Variants in CIB1 observed in about 807,000 individuals in gnomAD.
The protein encoded by CIB1 is calcium and integrin-binding protein 1.
A neutral mutation model predicts 25.0 loss-of-function variants in CIB1; 19 were observed. The ratio of observed to expected loss-of-function variants is 0.76; its 90% CI spans 0.53 to 1.12. The LOEUF (loss-of-function observed/expected upper bound fraction) is 1.12. CIB1 is among the 50% of genes most tolerant of loss of function. The pLI is 0.00. For missense variants in CIB1, 236 were observed against 242.6 expected, an observed-to-expected ratio of 0.97 and a Z score of 0.18; for synonymous variants, 104 against 98.5, an observed-to-expected ratio of 1.06 and a Z score of -0.33.
At chr15:90,256,141 C>A in the CIB1 span, 1 of 1,614,142 alleles carries the variant, frequency 6.2e-7, no homozygotes. Flanking sequence ...CTGCACATAG[C>A]TATGGGGACT....
At chr15:90,258,733 C>T in the CIB1 span, 1 of 1,613,362 alleles carries the variant, frequency 6.2e-7, no homozygotes, top group East Asian at 2.2e-5. Context: ...ATAATGACTC[C>T]TCCTGGCAGG....
chr15:90,234,260 G>C (rs964155785), upstream of CIB1: 1 of 208,824 alleles, frequency 4.8e-6, no homozygotes, highest in South Asian at 1.7e-4. Context: ...GCGGCTGCGG[G>C]GAAAGTCGCG....
chr15:90,253,308 CTG>C, the CIB1 span: 1 of 1,613,686 alleles, frequency 6.2e-7, no homozygotes, highest in African/African-American at 1.3e-5. Context: ...AGAGTGGACT[CTG>C]TACTGGACAG....
At chr15:90,253,227 A>G in the CIB1 span, 1 of 1,596,166 alleles carries the variant, frequency 6.3e-7, no homozygotes, top group Non-Finnish European at 8.6e-7. Context: ...TGCTGGCACT[A>G]CTGATCTCCC....
At chr15:90,256,583 TTC>T in the CIB1 span, among the ~76,000 whole-genome samples, 4 of 36,280 alleles carry the variant, frequency 1.1e-4, no homozygotes, top group African/African-American at 2.2e-4. Context: ...CTTTCTTTCT[TTC>T]TTTCTTTCTT....
the CIB1 span, chr15:90,250,897 C>T: frequency 3.1e-6 from 5 of 1,611,792 alleles, no homozygotes; most frequent in African/African-American, 1.3e-5. Context: ...GGTAACTATT[C>T]CCTAGATCCC....
the CIB1 span, chr15:90,253,335 C>A: frequency 1.9e-6 from 3 of 1,613,290 alleles, no homozygotes; most frequent in Non-Finnish European, 1.7e-6. Context: ...CGCTGTCTCA[C>A]TGGAACGAGT....
the CIB1 span, chr15:90,257,889 C>A: frequency 2.1e-6 from 2 of 938,450 alleles, no homozygotes; most frequent in Non-Finnish European, 3.2e-6. Flanking sequence ...AGCCCCAAAC[C>A]TCACCCTGAT....
chr15:90,254,607 G>A, the CIB1 span, among the ~76,000 whole-genome samples: 3 of 152,102 alleles, frequency 2.0e-5, no homozygotes, highest in Admixed American at 2.0e-4. Context: ...GGAAGCCAAG[G>A]TGGGCAGATT....
the CIB1 span, chr15:90,264,076 G>A: frequency 8.1e-6 from 12 of 1,481,100 alleles, no homozygotes; most frequent in Admixed American, 5.9e-5. Flanking sequence ...TGCAAAACTA[G>A]CTTTGGTCAT....
At chr15:90,250,755 A>T in the CIB1 span, 6 of 1,614,198 alleles carry the variant, frequency 3.7e-6, no homozygotes, top group Non-Finnish European at 5.1e-6. Flanking sequence ...GCTCTCTTAA[A>T]AGCTGACTAT....
the CIB1 span, among the ~76,000 whole-genome samples, chr15:90,251,345 C>G: frequency 7.0e-6 from 1 of 143,128 alleles, no homozygotes; most frequent in African/African-American, 2.6e-5. Flanking sequence ...AGGATGGTCT[C>G]TATCTCCTGA....
chr15:90,242,197 C>A, the CIB1 span: 1 of 671,354 alleles, frequency 1.5e-6, no homozygotes, highest in Non-Finnish European at 2.4e-6. Context: ...AAGTGATCCT[C>A]CCACCTCAGC....
chr15:90,262,174 C>T, the CIB1 span: 7 of 1,534,416 alleles, frequency 4.6e-6, no homozygotes, highest in African/African-American at 1.4e-5. Context: ...CTTCCAAGGC[C>T]AGAGAGGAGT....
chr15:90,264,082 G>A, the CIB1 span: 2 of 1,452,502 alleles, frequency 1.4e-6, no homozygotes, highest in East Asian at 4.9e-5. Context: ...ACTAGCTTTG[G>A]TCATTTTGAC....
In CIB1 at chr15:90,230,615, G is replaced by A. The variant is rs1962453940; in HGVS notation, c.555-110C>T. ...CCTTCTTTGGAACGGGCTATGTTCC[G>A]TGTGTCAGCCCCCTCTGCAAGAACT... On this transcript the variant is annotated intron_variant, in intron 6 of 6. Coordinates refer to ENST00000328649, the MANE Select transcript of CIB1 (RefSeq NM_006384.4). The A allele has an allele frequency of 1.1e-5, 13 of 1,177,658 alleles. No individual in the cohort carries two copies. In the Middle Eastern group the frequency reaches 6.6e-4, roughly 60 times the overall value. 73.0% of individuals were successfully genotyped at this position (1,177,658 alleles called of 1,614,324 possible).
chr15:90,264,937 A>T, the CIB1 span: 1 of 1,536,084 alleles, frequency 6.5e-7, no homozygotes, highest in Non-Finnish European at 8.7e-7. Flanking sequence ...AGCGTTCCAG[A>T]GCACTCCTCA....
the CIB1 span, chr15:90,241,803 A>C: frequency 6.2e-7 from 1 of 1,614,230 alleles, no homozygotes; most frequent in Non-Finnish European, 8.5e-7. Flanking sequence ...TCCGCCGGGA[A>C]AGACATCACC....
At chr15:90,263,869 G>A in the CIB1 span, 1 of 979,264 alleles carries the variant, frequency 1.0e-6, no homozygotes, top group South Asian at 1.4e-5. Flanking sequence ...TCTGCCCCAT[G>A]AATCAATCCC....
Sources: gnomAD v4.1 joint callset for allele counts (sites outside exome capture counted in the v4.1 genomes callset) on GRCh38, gnomAD v4.1.1 for gene constraint, MANE v1.5 for transcripts, NCBI Gene and HGNC (gene_info 2026-07-23, HGNC 2026-07-21) for gene names.